The following SPRY3 variants were observed in gnomAD, a reference collection of about 807,000 sequenced individuals.
SPRY3 encodes protein sprouty homolog 3.
SPRY3 carries 15 observed loss-of-function variants against 20.2 expected under a neutral mutation model. That is an observed-to-expected ratio of 0.74 (90% confidence interval 0.50 to 1.14). The LOEUF (loss-of-function observed/expected upper bound fraction) is 1.14, where lower values mean the gene tolerates loss of function less well. Ranked by LOEUF, SPRY3 falls within the 50% of genes most tolerant of loss-of-function variation. The probability of loss-of-function intolerance (pLI) is 0.00; values close to 1 mark genes in which losing one functional copy is unlikely to be tolerated. For synonymous variants in SPRY3, 143 were observed against 136.5 expected (o/e 1.05, Z -0.33); for missense variants, 364 against 363.9 (o/e 1.00, Z 0.00).
At chrX:155,710,771 C>G (rs781013678) in intron 2 of SPRY3, among the ~76,000 whole-genome samples, 2 of 151,902 alleles carry the variant, frequency 1.3e-5, no homozygotes, top group African/African-American at 4.8e-5. Context: ...AACTTTTCCC[C>G]ATTCACTATA....
intron 2 of SPRY3, among the ~76,000 whole-genome samples, chrX:155,667,706 C>T (rs1016915492): frequency 9.0e-6 from 1 of 110,838 alleles, no homozygotes; most frequent in Admixed American, 9.6e-5. Flanking sequence ...AAGATAATTA[C>T]AATACATACA....
chrX:155,682,640 C>T (rs1270878697), intron 2 of SPRY3, among the ~76,000 whole-genome samples: 1 of 111,990 alleles, frequency 8.9e-6, no homozygotes, highest in Non-Finnish European at 1.9e-5. Flanking sequence ...CCTGCCTCAG[C>T]CTCCTGAGTA....
At chrX:155,767,702 A>AGAGGAGGAGGAGGAGAG (rs1569399868) in intron 2 of SPRY3, 1 of 119,320 alleles carries the variant, frequency 8.4e-6, no homozygotes, top group African/African-American at 3.1e-5. Context: ...GAGGAGGAGA[A>AGAGGAGGAGGAGGAGAG]AGAAGAGGAG....
At chrX:155,739,103 A>G (rs2091188116) in intron 2 of SPRY3, among the ~76,000 whole-genome samples, 1 of 151,906 alleles carries the variant, frequency 6.6e-6, no homozygotes, top group Non-Finnish European at 1.5e-5. Context: ...CAGCCATTCT[A>G]GCCTGCTGGC....
At chrX:155,711,954 T>A (rs959834896) in intron 2 of SPRY3, among the ~76,000 whole-genome samples, 23 of 151,856 alleles carry the variant, frequency 1.5e-4, no homozygotes, top group African/African-American at 5.6e-4. Flanking sequence ...AATTTCATCA[T>A]TGACCAACTG....
Position 155,743,684 on chromosome X carries a change from A to AAAT in SPRY3, c.-281-24274_-281-24272dup, listed in dbSNP as rs1311214883. 8.5e-5 allele frequency among the ~76,000 whole-genome samples: 13 copies of AAAT among 152,266 alleles called. 1 individual carries two copies. Among genetic ancestry groups the AAAT allele is most frequent in the Admixed American group, 7.9e-4 (12 of 15,284 alleles). ...TTTTGGGGGGTAAATTTTAAACACCAAATAATCCTCAACAAACAAATGTAC... is the reference window on the plus strand; with the variant it reads ...TTTTGGGGGGTAAATTTTAAACACCAAATAATAATCCTCAACAAACAAATGTAC... On this transcript the variant is annotated intron_variant, in intron 2 of 3. Transcript: ENST00000675360.
chrX:155,751,204 A>G (rs190222357), intron 2 of SPRY3, among the ~76,000 whole-genome samples: 80 of 151,986 alleles, frequency 5.3e-4, no homozygotes, highest in African/African-American at 1.8e-3. Flanking sequence ...TAGTATAGCT[A>G]TTTATTAAAA....
intron 1 of SPRY3, among the ~76,000 whole-genome samples, chrX:155,648,014 G>T (rs1383256729): frequency 1.8e-5 from 2 of 111,992 alleles, no homozygotes; most frequent in African/African-American, 6.5e-5. Flanking sequence ...GCATGAGATG[G>T]TATCTCATTG....
At chrX:155,624,129 T>C (rs1260644772) in intron 1 of SPRY3, among the ~76,000 whole-genome samples, 2 of 112,255 alleles carry the variant, frequency 1.8e-5, no homozygotes, top group East Asian at 2.8e-4. Context: ...TTTTTCCTTT[T>C]TGAATCTTCA....
chrX:155,726,443 T>G (rs2091097850), intron 2 of SPRY3, among the ~76,000 whole-genome samples: 1 of 152,156 alleles, frequency 6.6e-6, no homozygotes, highest in South Asian at 2.1e-4. Flanking sequence ...ATTATTATTG[T>G]GTGGGAGTCT....
intron 2 of SPRY3, among the ~76,000 whole-genome samples, chrX:155,715,949 G>T (rs1363730109): frequency 1.3e-5 from 2 of 152,108 alleles, no homozygotes; most frequent in African/African-American, 4.8e-5. Flanking sequence ...GATGGAGGAG[G>T]GGTGGCATCA....
intron 1 of SPRY3, among the ~76,000 whole-genome samples, chrX:155,634,109 G>A (rs1439626696): frequency 1.0e-4 from 11 of 110,066 alleles, no homozygotes; most frequent in African/African-American, 2.7e-4. Flanking sequence ...CTATCGCTTC[G>A]GTGAAGTTTT....
intron 2 of SPRY3, among the ~76,000 whole-genome samples, chrX:155,755,260 T>C (rs2091279813): frequency 6.6e-6 from 1 of 152,072 alleles, no homozygotes; most frequent in African/African-American, 2.4e-5. Context: ...TTGCTTCGCA[T>C]TTTACTTTAT....
chrX:155,617,238 A>T (rs1173945447), intron 1 of SPRY3, among the ~76,000 whole-genome samples: 1 of 109,598 alleles, frequency 9.1e-6, no homozygotes, highest in East Asian at 2.8e-4. Context: ...ATCATAGGAC[A>T]TGGCATAAAA....
intron 2 of SPRY3, among the ~76,000 whole-genome samples, chrX:155,738,101 G>T: frequency 6.6e-6 from 1 of 152,044 alleles, no homozygotes; most frequent in East Asian, 1.9e-4. Flanking sequence ...AGTAAACATA[G>T]GATAAAATTT....
chrX:155,630,401 A>T (rs1303726769), intron 1 of SPRY3, among the ~76,000 whole-genome samples: 1 of 111,874 alleles, frequency 8.9e-6, no homozygotes, highest in East Asian at 2.8e-4. Context: ...CATTTCTTGT[A>T]TGACAGGTCT....
In SPRY3 at chrX:155,742,532, GA is replaced by G. The variant is rs759676489; in HGVS notation, c.-281-25428del. Among the ~76,000 whole-genome samples the G allele has an allele frequency of 3.3e-5, 5 of 152,230 alleles. No individual in the cohort carries two copies. In the East Asian group the frequency reaches 9.7e-4, roughly 29 times the overall value. ...CTGAACTCTTCACCCAAAAACAATA[GA>G]ATGTGCATCCCTTTCAATGCCACAT... On this transcript the variant is annotated intron_variant, in intron 2 of 3. Coordinates refer to ENST00000675360, the Ensembl canonical transcript of SPRY3.
At chrX:155,624,817 T>G (rs1440957529) in intron 1 of SPRY3, among the ~76,000 whole-genome samples, 1 of 111,787 alleles carries the variant, frequency 8.9e-6, no homozygotes. Flanking sequence ...ATTTCTTCCT[T>G]TTTGTTTTGT....
chrX:155,716,981 A>AATATATATATAT lies in SPRY3; in HGVS notation c.-281-50961_-281-50950dup, dbSNP rs749530944. ...AAACCCTGTTTCCACTAAAATACAAAATATATATATATATATATATATATA... is the reference window on the plus strand; with the variant it reads ...AAACCCTGTTTCCACTAAAATACAAAATATATATATATATATATATATATATATATATATATA... On this transcript the variant is annotated intron_variant, in intron 2 of 3. Coordinates refer to ENST00000675360, the Ensembl canonical transcript of SPRY3. Among the ~76,000 whole-genome samples, 315 of 63,374 alleles carry AATATATATATAT rather than the reference A, an allele frequency of 5.0e-3. 4 individuals are homozygous for AATATATATATAT. Among genetic ancestry groups the AATATATATATAT allele is most frequent in the East Asian group, 0.011 (22 of 2,082 alleles). 41.6% of individuals were successfully genotyped at this position (63,374 alleles called of 152,430 possible). A position where few individuals can be genotyped will look rare whatever the true frequency, so the allele number is the denominator to read the frequency against.
Sources: allele counts gnomAD v4.1 joint callset (sites outside exome capture counted in the v4.1 genomes callset), GRCh38; gene constraint gnomAD v4.1.1; transcripts MANE v1.5; gene names NCBI Gene and HGNC (gene_info 2026-07-23, HGNC 2026-07-21).